TRPA1: variants seen among roughly 807,000 people sequenced by gnomAD.
The protein encoded by TRPA1 is transient receptor potential cation channel subfamily A member 1.
A neutral mutation model predicts 131.3 loss-of-function variants in TRPA1; 129 were observed. The ratio of observed to expected loss-of-function variants is 0.98; its 90% CI spans 0.85 to 1.14. The LOEUF (loss-of-function observed/expected upper bound fraction) is 1.14, where lower values mean the gene tolerates loss of function less well. Ranked by LOEUF, TRPA1 falls within the 50% of genes most tolerant of loss-of-function variation. TRPA1 has a pLI of 0.00. For synonymous variants in TRPA1, 441 were observed against 451.7 expected (o/e 0.98, Z 0.30); for missense variants, 1,304 against 1,354.2 (o/e 0.96, Z 0.58).
chr8:72,057,870 T>A, intron 8 of TRPA1, 54 bp from the exon 9 acceptor site: 1 of 1,314,668 alleles, frequency 7.6e-7, no homozygotes, highest in Non-Finnish European at 1.1e-6. Context: ...TAAATCATAA[T>A]ATATTGTAAT....
rs1347886933 is a variant in TRPA1 at position 72,050,633 on chromosome 8, T to G, written c.1905+145A>C. The stretch of plus-strand genomic sequence containing the variant: ...ATTCTTTAATCCAAGAAGGCCTTCC[T>G]TAAATAGTTATTGTCTCATTTCCCT... On this transcript the variant is annotated intron_variant, in intron 15 of 26. Coordinates refer to ENST00000262209, the MANE Select transcript of TRPA1 (RefSeq NM_007332.3). 4.7e-6 allele frequency: 3 copies of G among 637,034 alleles called. No homozygotes were observed. In the East Asian group the frequency reaches 8.4e-5, roughly 18 times the overall value. The allele number at this position is 637,034 out of a possible 1,614,324, so 39.5% of individuals were successfully genotyped here. A position where few individuals can be genotyped will look rare whatever the true frequency, so the allele number is the denominator to read the frequency against.
At chr8:72,067,800 A>G (rs1014761113) in intron 3 of TRPA1, among the ~76,000 whole-genome samples, 4 of 152,102 alleles carry the variant, frequency 2.6e-5, no homozygotes, top group African/African-American at 9.7e-5. Context: ...TTGCCAGAGG[A>G]CTTTCTAGTA....
chr8:72,049,783 A>G (rs1258343382), intron 15 of TRPA1, among the ~76,000 whole-genome samples: 1 of 152,184 alleles, frequency 6.6e-6, no homozygotes, highest in East Asian at 1.9e-4. Context: ...GATGTTGGCT[A>G]TACTTGGGCA....
intron 24 of TRPA1, among the ~76,000 whole-genome samples, chr8:72,027,476 G>C (rs750932332): frequency 2.0e-5 from 3 of 152,160 alleles, no homozygotes; most frequent in Non-Finnish European, 2.9e-5. Flanking sequence ...TTTATGGACT[G>C]TCTGCAGCTG....
chr8:72,085,220 G>C, the TRPA1 span, among the ~76,000 whole-genome samples: 2 of 151,890 alleles, frequency 1.3e-5, no homozygotes, highest in Non-Finnish European at 2.9e-5. Flanking sequence ...TCCAATATAT[G>C]GCTGAAGTTC....
intron 24 of TRPA1, among the ~76,000 whole-genome samples, chr8:72,026,608 A>G (rs1811618740): frequency 6.6e-6 from 1 of 152,198 alleles, no homozygotes; most frequent in Non-Finnish European, 1.5e-5. Flanking sequence ...TATGTCATGC[A>G]TTTCTCATGT....
At chr8:72,047,569 A>G (rs1020948369) in intron 15 of TRPA1, among the ~76,000 whole-genome samples, 1 of 152,150 alleles carries the variant, frequency 6.6e-6, no homozygotes, top group Admixed American at 6.6e-5. Flanking sequence ...TAATCTGAAA[A>G]TGTGAAATTC....
intron 23 of TRPA1, among the ~76,000 whole-genome samples, chr8:72,032,160 A>G (rs1213461061): frequency 6.6e-6 from 1 of 152,136 alleles, no homozygotes; most frequent in Admixed American, 6.5e-5. Flanking sequence ...GCTCACAGGG[A>G]CCTTTGCTTG....
In TRPA1 at chr8:72,039,723, C is replaced by A; in HGVS notation, c.2132+4G>T. Reference sequence around the variant, plus strand: ...TTAAACAAGAAATACTACTCAATACCCACCATTTCATGAGTAAATATTCTT... The same window carrying A: ...TTAAACAAGAAATACTACTCAATACACACCATTTCATGAGTAAATATTCTT... On this transcript the variant is annotated splice_donor_region_variant and intron_variant, in intron 18 of 26. Transcript: ENST00000262209. 6.3e-7 allele frequency: 1 copy of A among 1,584,414 alleles called. No homozygotes were observed. The highest frequency in any genetic ancestry group is 8.7e-7 in the Non-Finnish European group (1 of 1,153,836).
chr8:72,054,146 G>T (rs1805600883), intron 12 of TRPA1: 1 of 435,784 alleles, frequency 2.3e-6, no homozygotes, highest in Non-Finnish European at 4.2e-6. Flanking sequence ...GGTAGGAGAA[G>T]TACGCTTAGC....
upstream of TRPA1, among the ~76,000 whole-genome samples, chr8:72,075,871 T>TGTGTGTGA (rs1481002947): frequency 2.6e-5 from 2 of 75,936 alleles, no homozygotes; most frequent in African/African-American, 7.6e-5. Flanking sequence ...TGTGTGTGTG[T>TGTGTGTGA]GTGTGTGTGT....
chr8:72,025,400 C>T lies in TRPA1; in HGVS notation c.3051+560G>A, dbSNP rs568954619. Among the ~76,000 whole-genome samples the T allele has an allele frequency of 5.3e-5, 8 of 152,190 alleles. No individual in the cohort carries two copies. The East Asian group carries it at 9.7e-4, about 18-fold the overall frequency. On this transcript the variant is annotated intron_variant, in intron 25 of 26. Coordinates refer to ENST00000262209, the MANE Select transcript of TRPA1 (RefSeq NM_007332.3). ...TCCCCTTCACCTTCCACCATGATTG[C>T]AAGTTTCCTGAGGCCTCCTCAGCCA...
In TRPA1 at chr8:72,047,204, G is replaced by T. The variant is rs775144346; in HGVS notation, c.1909C>A (p.Leu637Ile). The part of the protein sequence containing the change: ...IEYLPECMKV[L>I]LDFCMLHSTE... ...GAATGCAACATGCAGAAATCTAAAA[G>T]TACCTTTGAAAGAGAAAAACCAGCT... Residue 637 changes from leucine (L) to isoleucine (I), a missense_variant, in exon 16 of 27, where the codon CTT becomes ATT. Physicochemically the swap from Leu to Ile is conservative, Grantham distance 5. Coordinates refer to ENST00000262209, the MANE Select transcript of TRPA1 (RefSeq NM_007332.3). 7 of 1,610,790 alleles carry T rather than the reference G, an allele frequency of 4.3e-6. No individual in the cohort carries two copies. The highest frequency in any genetic ancestry group is 1.3e-5 in the African/African-American group (1 of 74,870).
chr8:72,036,067 C>T (rs1812039245), intron 21 of TRPA1, among the ~76,000 whole-genome samples: 1 of 147,770 alleles, frequency 6.8e-6, no homozygotes, highest in Admixed American at 6.7e-5. Context: ...AATTATCTGG[C>T]TACAAAGTTC....
chr8:72,038,276 C>T (rs1812129181), intron 19 of TRPA1, among the ~76,000 whole-genome samples: 1 of 151,328 alleles, frequency 6.6e-6, no homozygotes, highest in African/African-American at 2.4e-5. Flanking sequence ...TTAGGAATGT[C>T]CTTATTAAGT....
chr8:72,052,453 A>G, intron 14 of TRPA1, 146 bp downstream of exon 14: 1 of 915,992 alleles, frequency 1.1e-6, no homozygotes, highest in Non-Finnish European at 1.6e-6. Context: ...AAAATAAAAA[A>G]CCTTTAAAAA....
intron 1 of TRPA1, among the ~76,000 whole-genome samples, chr8:72,072,543 T>C (rs1382727832): frequency 6.6e-6 from 1 of 152,218 alleles, no homozygotes; most frequent in African/African-American, 2.4e-5. Context: ...AAGCTACATA[T>C]AACTTTAGTG....
At chr8:72,030,016 T>G in intron 23 of TRPA1, 47 bp from the exon 24 acceptor site, 1 of 1,515,358 alleles carries the variant, frequency 6.6e-7, no homozygotes, top group Non-Finnish European at 9.2e-7. Flanking sequence ...ATGGTCCACC[T>G]AAAAATGCAT....
chr8:72,032,797 A>G (rs1761916615), intron 23 of TRPA1, among the ~76,000 whole-genome samples: 1 of 150,972 alleles, frequency 6.6e-6, no homozygotes, highest in Admixed American at 6.6e-5. Context: ...TTGAATCAAA[A>G]TACTCACACA....
Sources: gnomAD v4.1 joint callset for allele counts (sites outside exome capture counted in the v4.1 genomes callset) on GRCh38, gnomAD v4.1.1 for gene constraint, MANE v1.5 for transcripts, NCBI Gene and HGNC (gene_info 2026-07-23, HGNC 2026-07-21) for gene names.